ATXN1: variants seen among roughly 807,000 people sequenced by gnomAD.
ATXN1 encodes the protein ataxin-1.
A neutral mutation model predicts 56.4 loss-of-function variants in ATXN1; 8 were observed. The ratio of observed to expected loss-of-function variants is 0.14; its 90% confidence interval spans 0.08 to 0.26. The LOEUF (loss-of-function observed/expected upper bound fraction) is 0.26. Ranked by LOEUF, ATXN1 falls within the 10% of genes least tolerant of loss-of-function variation. The pLI is 1.00. For missense variants in ATXN1, 987 were observed against 1,106.5 expected, an observed-to-expected ratio of 0.89 and a Z score of 1.53; for synonymous variants, 514 against 494.6, an observed-to-expected ratio of 1.04 and a Z score of -0.52.
intron 3 of ATXN1, among the ~76,000 whole-genome samples, chr6:16,645,187 A>G (rs1233146076): frequency 2.0e-5 from 3 of 152,174 alleles, no homozygotes; most frequent in African/African-American, 7.2e-5. Flanking sequence ...GCTTGCCCCA[A>G]ATATCTAGGG....
rs372686797 is a variant in ATXN1 at position 16,542,904 on chromosome 6, GTC to G, written c.-360-20218_-360-20217del. Reference sequence around the variant, plus strand: ...GTACTAAAAGTTATGTGAATGTGGTGTCTCTCTCTCTCTCTCAAAATATCTTA... The same window carrying G: ...GTACTAAAAGTTATGTGAATGTGGTGTCTCTCTCTCTCTCAAAATATCTTA... On this transcript the variant is annotated intron_variant, in intron 4 of 7. Coordinates refer to ENST00000436367, the MANE Select transcript of ATXN1 (RefSeq NM_001128164.2). Among the ~76,000 whole-genome samples, 271 of 151,274 alleles carry G rather than the reference GTC, an allele frequency of 1.8e-3. 1 individual carries two copies. The highest frequency in any genetic ancestry group is 5.8e-3 in the African/African-American group (240 of 41,220).
intron 4 of ATXN1, among the ~76,000 whole-genome samples, chr6:16,564,162 T>C (rs1455910741): frequency 6.6e-6 from 1 of 152,206 alleles, no homozygotes; most frequent in African/African-American, 2.4e-5. Flanking sequence ...TACATGATGC[T>C]TAGCAGAGCG....
rs376562152 is a variant in ATXN1, at chr6:16,581,497, G to A, written c.-361+4283C>T. ...GAGATAAAAGAAATCTCTGAGCAGAGCCTGTTATTTAAGAGACCACTAAAA... is the reference window on the plus strand; with the variant it reads ...GAGATAAAAGAAATCTCTGAGCAGAACCTGTTATTTAAGAGACCACTAAAA... On this transcript the variant is annotated intron_variant, in intron 4 of 7. Transcript: ENST00000436367. 2.6e-5 allele frequency among the ~76,000 whole-genome samples: 4 copies of A among 152,200 alleles called. No individual in the cohort carries two copies. In the South Asian group the frequency reaches 6.2e-4, roughly 24 times the overall value.
intron 3 of ATXN1, among the ~76,000 whole-genome samples, chr6:16,593,247 C>G (rs916349572): frequency 6.6e-6 from 1 of 152,190 alleles, no homozygotes; most frequent in Non-Finnish European, 1.5e-5. Flanking sequence ...TCAGCCTCCC[C>G]CTAAAACCTC....
At chr6:16,406,251 C>A (rs1466346497) in intron 6 of ATXN1, among the ~76,000 whole-genome samples, 6 of 152,184 alleles carry the variant, frequency 3.9e-5, no homozygotes, top group Non-Finnish European at 5.9e-5. Flanking sequence ...AGATTCCTTT[C>A]TCTCTAAATT....
intron 3 of ATXN1, among the ~76,000 whole-genome samples, chr6:16,598,838 C>T (rs1251858896): frequency 1.3e-5 from 2 of 152,152 alleles, no homozygotes; most frequent in African/African-American, 4.8e-5. Flanking sequence ...TTGCAGTGTT[C>T]ACTGGCAAGG....
chr6:16,396,743 G>A (rs969850396), intron 6 of ATXN1, among the ~76,000 whole-genome samples: 2 of 152,144 alleles, frequency 1.3e-5, no homozygotes, highest in Non-Finnish European at 2.9e-5. Flanking sequence ...AGTCCTGCAA[G>A]CTCCATTCAT....
chr6:16,538,028 A>G (rs1761638906), intron 4 of ATXN1, among the ~76,000 whole-genome samples: 1 of 152,170 alleles, frequency 6.6e-6, no homozygotes, highest in Admixed American at 6.5e-5. Context: ...ACTTAAACCC[A>G]GGTCAGCTTG....
In ATXN1 at chr6:16,327,288, G is replaced by A; in HGVS notation, c.1023C>T (p.Asp341=). 1.2e-6 allele frequency: 2 copies of A among 1,613,338 alleles called. No individual in the cohort carries two copies. Among genetic ancestry groups the A allele is most frequent in the South Asian group, 1.1e-5 (1 of 91,068 alleles). ...SRRYGAPSSA[D]LGLGKAGGKS... ...TGCCGCCTGCCTTGCCCAGGCCCAG[G>A]TCGGCTGAGGACGGGGCCCCGTACC... is the stretch of plus-strand genomic sequence containing the variant. The change falls in exon 7 of 8, where the codon GAC becomes GAT. Residue 341 remains aspartate (D), a synonymous_variant. Transcript: ENST00000436367.
chr6:16,335,835 G>A (rs1055921219), intron 6 of ATXN1, among the ~76,000 whole-genome samples: 3 of 152,182 alleles, frequency 2.0e-5, no homozygotes, highest in Admixed American at 1.3e-4. Flanking sequence ...CTGGAATGAC[G>A]CAGTCCCAAG....
At chr6:16,448,350 C>T (rs921745045) in intron 6 of ATXN1, among the ~76,000 whole-genome samples, 6 of 152,148 alleles carry the variant, frequency 3.9e-5, no homozygotes, top group African/African-American at 1.2e-4. Flanking sequence ...CCTCTTCCCT[C>T]GCCCCTCTGA....
At chr6:16,358,187 C>T (rs573104634) in intron 6 of ATXN1, among the ~76,000 whole-genome samples, 3 of 152,112 alleles carry the variant, frequency 2.0e-5, no homozygotes, top group Non-Finnish European at 1.5e-5. Context: ...TGTGGTGAAA[C>T]GGGAACACTT....
intron 2 of ATXN1, among the ~76,000 whole-genome samples, chr6:16,666,154 A>G (rs748749525): frequency 4.2e-4 from 64 of 152,002 alleles, no homozygotes; most frequent in African/African-American, 1.5e-3. Context: ...TACCCTTTCC[A>G]TCCTCTGCTA....
intron 6 of ATXN1, among the ~76,000 whole-genome samples, chr6:16,468,791 G>T (rs989702080): frequency 1.3e-5 from 2 of 151,996 alleles, no homozygotes; most frequent in African/African-American, 4.8e-5. Flanking sequence ...GAGATTTAGA[G>T]CAACTAGAGA....
intron 2 of ATXN1, among the ~76,000 whole-genome samples, chr6:16,724,074 G>A (rs1759798713): frequency 1.3e-5 from 2 of 152,262 alleles, no homozygotes; most frequent in South Asian, 4.2e-4. Flanking sequence ...TGACTCACAT[G>A]CCTCAGACTG....
rs1332913161 is a variant in ATXN1, at chr6:16,398,459, T to C, written c.-160-69989A>G. 5.3e-5 allele frequency among the ~76,000 whole-genome samples: 8 copies of C among 152,198 alleles called. No individual in the cohort carries two copies. The East Asian group carries it at 1.5e-3, about 29-fold the overall frequency. On this transcript the variant is annotated intron_variant, in intron 6 of 7. Coordinates refer to ENST00000436367, the MANE Select transcript of ATXN1 (RefSeq NM_001128164.2). ...CACTTAATGGTGAAAATAATATATATGTATATGTGTATAGAGTTTATTTTA... is the reference window on the plus strand; with the variant it reads ...CACTTAATGGTGAAAATAATATATACGTATATGTGTATAGAGTTTATTTTA...
At chr6:16,376,709 C>T (rs576432976) in intron 6 of ATXN1, among the ~76,000 whole-genome samples, 1 of 152,298 alleles carries the variant, frequency 6.6e-6, no homozygotes, top group African/African-American at 2.4e-5. Flanking sequence ...AAATAAATGT[C>T]TTAAGCACAT....
intron 5 of ATXN1, among the ~76,000 whole-genome samples, chr6:16,489,398 C>T (rs530883976): frequency 6.6e-6 from 1 of 152,116 alleles, no homozygotes; most frequent in Non-Finnish European, 1.5e-5. Flanking sequence ...CAGCCCTCCA[C>T]AAACTCAAAA....
At chr6:16,515,997 G>T (rs1015827490) in intron 5 of ATXN1, among the ~76,000 whole-genome samples, 3 of 152,218 alleles carry the variant, frequency 2.0e-5, no homozygotes, top group South Asian at 4.1e-4. Context: ...TGAACTGTGA[G>T]TTGAGCTCTG....
Sources: allele counts gnomAD v4.1 joint callset (sites outside exome capture counted in the v4.1 genomes callset), GRCh38; gene constraint gnomAD v4.1.1; transcripts MANE v1.5; gene names NCBI Gene and HGNC (gene_info 2026-07-23, HGNC 2026-07-21).